The following SPAG16 variants were observed in gnomAD, a reference collection of about 807,000 sequenced individuals.
The protein encoded by SPAG16 is sperm associated antigen 16.
Under a neutral mutation model 80.4 loss-of-function variants are expected in SPAG16, and 86 were observed. The ratio of observed to expected loss-of-function variants is 1.07; its 90% CI spans 0.90 to 1.28. The LOEUF is 1.28. Ranked by LOEUF, SPAG16 falls within the 50% of genes most tolerant of loss-of-function variation. The pLI is 0.00. For synonymous variants in SPAG16, 294 were observed against 265.9 expected (o/e 1.11, Z -1.03); for missense variants, 870 against 765.3 (o/e 1.14, Z -1.61).
At chr2:214,018,585 T>C (rs1461465380) in intron 13 of SPAG16, among the ~76,000 whole-genome samples, 1 of 152,156 alleles carries the variant, frequency 6.6e-6, no homozygotes, top group Non-Finnish European at 1.5e-5. Context: ...GCATGCTTCT[T>C]CTTTATAATT....
At chr2:213,301,326 G>A (rs1242306894) in intron 3 of SPAG16, among the ~76,000 whole-genome samples, 2 of 152,120 alleles carry the variant, frequency 1.3e-5, no homozygotes, top group Non-Finnish European at 2.9e-5. Context: ...TGTGAATTAA[G>A]GAGTTGATGA....
At chr2:213,654,716 C>CAA (rs60852712) in intron 10 of SPAG16, among the ~76,000 whole-genome samples, 1 of 132,706 alleles carries the variant, frequency 7.5e-6, no homozygotes, top group African/African-American at 2.7e-5. Context: ...GACTCCATCT[C>CAA]AAAAAAAAAA....
rs546067902 is a variant in SPAG16 at position 213,299,193 on chromosome 2, A to T, written c.279+1836A>T. On this transcript the variant is annotated intron_variant, in intron 3 of 15. Coordinates refer to ENST00000331683, the MANE Select transcript of SPAG16 (RefSeq NM_024532.5). Reference sequence around the variant, plus strand: ...TAAATGGTTATGATACTATTAGGAAAGTTAAGTTGAAATAATGTAAATTAT... The same window carrying T: ...TAAATGGTTATGATACTATTAGGAATGTTAAGTTGAAATAATGTAAATTAT... Among the ~76,000 whole-genome samples the T allele has an allele frequency of 1.2e-4, 18 of 152,336 alleles. 2 individuals are homozygous for T. The South Asian group carries it at 3.7e-3, about 32-fold the overall frequency.
At chr2:213,299,343 C>T (rs2062630128) in intron 3 of SPAG16, among the ~76,000 whole-genome samples, 1 of 150,764 alleles carries the variant, frequency 6.6e-6, no homozygotes, top group South Asian at 2.1e-4. Context: ...CACTCTGTCG[C>T]CCAGGCTGGA....
chr2:213,979,163 G>A (rs1286928587), intron 12 of SPAG16, among the ~76,000 whole-genome samples: 1 of 151,962 alleles, frequency 6.6e-6, no homozygotes, highest in Admixed American at 6.6e-5. Context: ...GAAATAGTAG[G>A]AGGTGGGGAC....
intron 10 of SPAG16, among the ~76,000 whole-genome samples, chr2:213,850,238 T>A (rs1346297532): frequency 6.6e-6 from 1 of 152,216 alleles, no homozygotes; most frequent in Non-Finnish European, 1.5e-5. Context: ...GAAATGACAT[T>A]GTGTGGATTG....
At chr2:213,962,770 T>A (rs1575663535) in intron 12 of SPAG16, among the ~76,000 whole-genome samples, 1 of 152,352 alleles carries the variant, frequency 6.6e-6, no homozygotes. Flanking sequence ...CTGTTTCTTC[T>A]AGAGTCAGTT....
chr2:213,992,429 A>G (rs1027571604), intron 12 of SPAG16, among the ~76,000 whole-genome samples: 2 of 151,856 alleles, frequency 1.3e-5, no homozygotes, highest in South Asian at 2.1e-4. Flanking sequence ...GCCTGAGCAT[A>G]TATTTTGAAA....
At chr2:213,352,888 C>A (rs2065411615) in intron 7 of SPAG16, among the ~76,000 whole-genome samples, 1 of 152,166 alleles carries the variant, frequency 6.6e-6, no homozygotes, top group Non-Finnish European at 1.5e-5. Context: ...CTATCCCAAT[C>A]TTTGTGAGTT....
chr2:214,269,701 A>G (rs1206005065), intron 15 of SPAG16, among the ~76,000 whole-genome samples: 1 of 152,120 alleles, frequency 6.6e-6, no homozygotes, highest in African/African-American at 2.4e-5. Context: ...AACATATGTC[A>G]TGTAGCTGTT....
chr2:213,730,601 T>C (rs2066987237), intron 10 of SPAG16, among the ~76,000 whole-genome samples: 4 of 152,212 alleles, frequency 2.6e-5, no homozygotes. Flanking sequence ...TTATTTCCCC[T>C]ATGGGTTCTT....
At chr2:213,577,828 A>G (rs116195717) in intron 10 of SPAG16, among the ~76,000 whole-genome samples, 26 of 152,246 alleles carry the variant, frequency 1.7e-4, no homozygotes, top group African/African-American at 6.3e-4. Context: ...CTTCTGAGAT[A>G]TTGAAAACCA....
chr2:214,202,344 G>A (rs1311369062), intron 15 of SPAG16, among the ~76,000 whole-genome samples: 1 of 152,140 alleles, frequency 6.6e-6, no homozygotes, highest in Non-Finnish European at 1.5e-5. Context: ...AGAGGGATAA[G>A]GAAAGATATT....
At chr2:214,305,363 C>A (rs1040595832) in intron 15 of SPAG16, among the ~76,000 whole-genome samples, 2 of 152,110 alleles carry the variant, frequency 1.3e-5, no homozygotes, top group Non-Finnish European at 2.9e-5. Context: ...TGTGCAGAAT[C>A]TCTTTAGTTT....
chr2:213,290,679 C>G (rs189058457), intron 1 of SPAG16, among the ~76,000 whole-genome samples: 61 of 152,296 alleles, frequency 4.0e-4, no homozygotes, highest in African/African-American at 1.4e-3. Context: ...TGCATGAGAA[C>G]TGTGATTAGC....
intron 9 of SPAG16, among the ~76,000 whole-genome samples, chr2:213,423,042 A>G (rs181552676): frequency 6.6e-6 from 1 of 152,252 alleles, no homozygotes; most frequent in East Asian, 1.9e-4. Context: ...TTATTGACTT[A>G]TTTTCTCACA....
intron 10 of SPAG16, among the ~76,000 whole-genome samples, chr2:213,550,295 T>C (rs1373745778): frequency 6.6e-6 from 1 of 152,036 alleles, no homozygotes; most frequent in Non-Finnish European, 1.5e-5. Context: ...CTATGGTTAT[T>C]TATATTCAAA....
intron 10 of SPAG16, among the ~76,000 whole-genome samples, chr2:213,605,330 G>T (rs549297091): frequency 1.9e-4 from 28 of 149,028 alleles, no homozygotes; most frequent in Middle Eastern, 3.6e-3. Context: ...GCAGTGGTGC[G>T]ATCTCAGCTC....
intron 15 of SPAG16, among the ~76,000 whole-genome samples, chr2:214,187,253 C>A (rs1336554093): frequency 6.6e-6 from 1 of 152,032 alleles, no homozygotes; most frequent in Non-Finnish European, 1.5e-5. Context: ...CTGTTTTAAT[C>A]CATAGTAATC....
Sources: allele counts gnomAD v4.1 joint callset (sites outside exome capture counted in the v4.1 genomes callset), GRCh38; gene constraint gnomAD v4.1.1; transcripts MANE v1.5; gene names NCBI Gene and HGNC (gene_info 2026-07-23, HGNC 2026-07-21).